The following CD247 variants were observed in gnomAD, a reference collection of about 807,000 sequenced individuals.
CD247 encodes the protein CD247 molecule.
In CD247, 13 loss-of-function variants were observed where a neutral mutation model predicts 30.0. The ratio of observed to expected loss-of-function variants is 0.43; its 90% confidence interval spans 0.28 to 0.69. The LOEUF (loss-of-function observed/expected upper bound fraction) is 0.69, where lower values mean the gene tolerates loss of function less well. Among genes scored for constraint, CD247 ranks in the 30% least tolerant of loss-of-function variants. The pLI is 0.16. For missense variants in CD247, 193 were observed against 212.6 expected (o/e 0.91, Z 0.57); for synonymous variants, 72 against 80.0 (o/e 0.90, Z 0.53).
intron 1 of CD247, among the ~76,000 whole-genome samples, chr1:167,510,413 C>T (rs565402145): frequency 3.0e-4 from 45 of 152,306 alleles, no homozygotes; most frequent in African/African-American, 1.0e-3. Context: ...TGCTGGCGTG[C>T]ACATTGCCAA....
intron 1 of CD247, among the ~76,000 whole-genome samples, chr1:167,505,240 C>T (rs1393542024): frequency 6.6e-6 from 1 of 152,168 alleles, no homozygotes; most frequent in Non-Finnish European, 1.5e-5. Flanking sequence ...AAGCAATCCT[C>T]CTGCCTCAGC....
chr1:167,476,195 C>A (rs1435162358), intron 1 of CD247, among the ~76,000 whole-genome samples: 1 of 152,084 alleles, frequency 6.6e-6, no homozygotes, highest in Non-Finnish European at 1.5e-5. Flanking sequence ...TGAAATGGCG[C>A]CTTTCTTGGG....
intron 1 of CD247, among the ~76,000 whole-genome samples, chr1:167,472,325 T>C (rs1653566890): frequency 6.6e-6 from 1 of 152,226 alleles, no homozygotes; most frequent in African/African-American, 2.4e-5. Flanking sequence ...CATTCACTTA[T>C]ATTTTCTTGG....
chr1:167,487,910 AT>A (rs920711453), intron 1 of CD247, among the ~76,000 whole-genome samples: 14 of 151,938 alleles, frequency 9.2e-5, no homozygotes, highest in African/African-American at 3.4e-4. Flanking sequence ...TATTTTTAGA[AT>A]TTTTTTTGTA....
intron 1 of CD247, among the ~76,000 whole-genome samples, chr1:167,507,007 C>T (rs896264981): frequency 6.6e-6 from 1 of 151,062 alleles, no homozygotes; most frequent in Non-Finnish European, 1.5e-5. Flanking sequence ...AGTGATTCTC[C>T]TGCCTCAGCC....
intron 1 of CD247, among the ~76,000 whole-genome samples, chr1:167,514,688 G>A (rs1232504617): frequency 6.6e-6 from 1 of 151,904 alleles, no homozygotes; most frequent in African/African-American, 2.4e-5. Context: ...AATTAGCCTT[G>A]GCCGAAGCAG....
At chr1:167,516,120 G>C (rs1314002079) in intron 1 of CD247, among the ~76,000 whole-genome samples, 1 of 152,342 alleles carries the variant, frequency 6.6e-6, no homozygotes, top group Non-Finnish European at 1.5e-5. Context: ...CCACTCACAA[G>C]CCTGGAAGCT....
At chr1:167,496,573 G>A (rs145230303) in intron 1 of CD247, among the ~76,000 whole-genome samples, 15 of 152,284 alleles carry the variant, frequency 9.9e-5, no homozygotes, top group African/African-American at 3.4e-4. Flanking sequence ...TCTACAGAGC[G>A]GGCAGAGAGT....
At chr1:167,431,870 GC>G in intron 7 of CD247, 124 bp from the exon 8 acceptor site, 1 of 831,094 alleles carries the variant, frequency 1.2e-6, no homozygotes, top group Non-Finnish European at 2.1e-6. Flanking sequence ...GCCTCCAGAG[GC>G]CCAGGAATAA....
chr1:167,478,359 C>T (rs1048694984), intron 1 of CD247, among the ~76,000 whole-genome samples: 10 of 152,150 alleles, frequency 6.6e-5, no homozygotes, highest in Admixed American at 3.3e-4. Context: ...AAAGGGCCTT[C>T]GGAACATGAA....
At chr1:167,503,811 G>A (rs550199930) in intron 1 of CD247, among the ~76,000 whole-genome samples, 25 of 152,162 alleles carry the variant, frequency 1.6e-4, no homozygotes, top group South Asian at 1.2e-3. Flanking sequence ...GTAGGCTACC[G>A]GTTAGGGTGC....
chr1:167,514,660 C>T (rs940408296), intron 1 of CD247, among the ~76,000 whole-genome samples: 6 of 151,998 alleles, frequency 3.9e-5, no homozygotes, highest in African/African-American at 1.5e-4. Flanking sequence ...CGAACACCAT[C>T]ACTTTAGTGT....
chr1:167,474,042 C>T (rs1277214120), intron 1 of CD247, among the ~76,000 whole-genome samples: 1 of 152,140 alleles, frequency 6.6e-6, no homozygotes, highest in Non-Finnish European at 1.5e-5. Flanking sequence ...CCCTTCACCA[C>T]CCCCGGAAGA....
intron 1 of CD247, among the ~76,000 whole-genome samples, chr1:167,501,351 G>A (rs1006951478): frequency 1.3e-5 from 2 of 152,200 alleles, no homozygotes; most frequent in Non-Finnish European, 1.5e-5. Flanking sequence ...AAGCCACTGC[G>A]CCCGGCCTCC....
At chr1:167,477,749 A>G (rs1653811154) in intron 1 of CD247, among the ~76,000 whole-genome samples, 1 of 152,162 alleles carries the variant, frequency 6.6e-6, no homozygotes, top group African/African-American at 2.4e-5. Context: ...GGCTGGTCTC[A>G]GACTCCTGGC....
chr1:167,430,907 A>G lies in CD247; in HGVS notation c.*774T>C, dbSNP rs1651230791. ...TTCGCTGAAAGCGTGAAGTGAATCA[A>G]CGGCCTCCTCTTGCTCCGCAGCACT... On this transcript the variant is annotated 3_prime_UTR_variant, in exon 8 of 8. Coordinates refer to ENST00000362089, the MANE Select transcript of CD247 (RefSeq NM_198053.3). 2.5e-6 allele frequency: 1 copy of G among 398,714 alleles called. No homozygotes were observed. Among genetic ancestry groups the G allele is most frequent in the South Asian group, 1.3e-4 (1 of 7,868 alleles). The allele number at this position is 398,714 out of a possible 1,614,324, so 24.7% of individuals were successfully genotyped here. A position where few individuals can be genotyped will look rare whatever the true frequency, so the allele number is the denominator to read the frequency against.
intron 4 of CD247, 100 bp downstream of exon 4, chr1:167,438,470 C>T: frequency 2.2e-6 from 2 of 918,572 alleles, no homozygotes; most frequent in Non-Finnish European, 3.7e-6. Context: ...ATGTGAGGGT[C>T]GAGTCTGGTT....
intron 1 of CD247, among the ~76,000 whole-genome samples, chr1:167,461,201 C>T (rs148249171): frequency 2.6e-5 from 4 of 152,326 alleles, no homozygotes; most frequent in South Asian, 2.1e-4. Flanking sequence ...CAAACTCAGC[C>T]GGGCCGCCCC....
At chr1:167,491,120 C>T (rs986451410) in intron 1 of CD247, among the ~76,000 whole-genome samples, 1 of 152,074 alleles carries the variant, frequency 6.6e-6, no homozygotes, top group Non-Finnish European at 1.5e-5. Flanking sequence ...AAATTTATAT[C>T]ACCCTTTACT....
Sources: gnomAD v4.1 joint callset for allele counts (sites outside exome capture counted in the v4.1 genomes callset) on GRCh38, gnomAD v4.1.1 for gene constraint, MANE v1.5 for transcripts, NCBI Gene and HGNC (gene_info 2026-07-23, HGNC 2026-07-21) for gene names.